Variants in GRK2 observed in about 807,000 individuals in gnomAD.
GRK2 encodes the protein adrenergic beta receptor kinase 1.
In GRK2, 23 loss-of-function variants were observed where a neutral mutation model predicts 97.8. The observed-to-expected ratio is 0.24, with a 90% CI of 0.17 to 0.33. GRK2 has a LOEUF of 0.33. Among genes scored for constraint, GRK2 ranks in the 10% least tolerant of loss-of-function variants. GRK2 has a pLI of 1.00. For synonymous variants in GRK2, 425 were observed against 381.7 expected, an observed-to-expected ratio of 1.11 and a Z score of -1.32; for missense variants, 633 against 956.9, an observed-to-expected ratio of 0.66 and a Z score of 4.47.
intron 1 of GRK2, among the ~76,000 whole-genome samples, chr11:67,272,086 G>A (rs1359786530): frequency 2.0e-5 from 3 of 152,208 alleles, no homozygotes; most frequent in Non-Finnish European, 2.9e-5. Flanking sequence ...CACATGAGGG[G>A]CACAGGAAGC....
intron 1 of GRK2, among the ~76,000 whole-genome samples, chr11:67,273,222 C>T (rs7127431): frequency 0.029 from 4,487 of 152,346 alleles, 95 homozygotes; most frequent in African/African-American, 0.062. Context: ...ACCCGTCCAA[C>T]GGCCAGAGCA....
Position 67,279,528 on chromosome 11 carries a change from C to T in GRK2, c.366+9C>T, listed in dbSNP as rs1860105474. 6.2e-7 allele frequency: 1 copy of T among 1,612,970 alleles called. No homozygotes were observed. Among genetic ancestry groups the T allele is most frequent in the African/African-American group, 1.3e-5 (1 of 75,048 alleles). On this transcript the variant is annotated intron_variant, in intron 4 of 20. Transcript: ENST00000308595. Reference sequence around the variant, plus strand: ...TGCTGGCCTGCTCGCATGTGAGTGTCCTCAGCTGGCCCTGTGTGCTGGCCC... The same window carrying T: ...TGCTGGCCTGCTCGCATGTGAGTGTTCTCAGCTGGCCCTGTGTGCTGGCCC...
In GRK2 at chr11:67,286,121, C is replaced by T. The variant is rs909789715; in HGVS notation, c.*671C>T. ...CCCTCTTGCCCCAACCCCCAGCACCCGGGCTCAGGGACCACAGCAAGGCAC... is the reference window on the plus strand; with the variant it reads ...CCCTCTTGCCCCAACCCCCAGCACCTGGGCTCAGGGACCACAGCAAGGCAC... On this transcript the variant is annotated 3_prime_UTR_variant, in exon 21 of 21. Coordinates refer to ENST00000308595, the MANE Select transcript of GRK2 (RefSeq NM_001619.5). 24 of 441,346 alleles carry T rather than the reference C, an allele frequency of 5.4e-5. No homozygotes were observed. Among genetic ancestry groups the T allele is most frequent in the African/African-American group, 3.6e-4 (17 of 47,710 alleles). 27.3% of individuals were successfully genotyped at this position (441,346 alleles called of 1,614,324 possible). A position where few individuals can be genotyped will look rare whatever the true frequency, so the allele number is the denominator to read the frequency against.
intron 18 of GRK2, chr11:67,284,617 T>G: frequency 2.8e-6 from 2 of 719,228 alleles, no homozygotes; most frequent in Non-Finnish European, 4.4e-6. Flanking sequence ...AAACCCTGTC[T>G]CTACCAAAAA....
In GRK2 at chr11:67,281,646, C is replaced by A; in HGVS notation, c.748-4C>A. On this transcript the variant is annotated splice_polypyrimidine_tract_variant and splice_region_variant and intron_variant, in intron 9 of 20. Transcript: ENST00000308595. This position sits in a 1 kb window ranked among gnomAD's most constrained non-coding sequence, Gnocchi z 5.7. ...CCGCCCCCTCCCCTCCTCTCCCCTCCTAGGACTGCCCATTCATTGTCTGCA... is the reference window on the plus strand; with the variant it reads ...CCGCCCCCTCCCCTCCTCTCCCCTCATAGGACTGCCCATTCATTGTCTGCA... The A allele has an allele frequency of 6.2e-7, 1 of 1,611,950 alleles. No homozygotes were observed. The highest frequency in any genetic ancestry group is 1.7e-5 in the Admixed American group (1 of 59,968).
At chr11:67,267,916 G>T (rs775576614) in intron 1 of GRK2, among the ~76,000 whole-genome samples, 1 of 152,246 alleles carries the variant, frequency 6.6e-6, no homozygotes, top group Non-Finnish European at 1.5e-5. Flanking sequence ...CAGGGCTTCA[G>T]ACTTCTGGTT....
intron 2 of GRK2, among the ~76,000 whole-genome samples, chr11:67,278,811 G>A (rs976090175): frequency 3.3e-5 from 5 of 151,924 alleles, no homozygotes; most frequent in Non-Finnish European, 7.4e-5. Flanking sequence ...TGCACAGCCC[G>A]CCCCGGTGGG....
rs755938304 is a variant in GRK2, at chr11:67,281,602, G to A, written c.747+44G>A. On this transcript the variant is annotated intron_variant, in intron 9 of 20. Coordinates refer to ENST00000308595, the MANE Select transcript of GRK2 (RefSeq NM_001619.5). The surrounding 1 kb of genome is among the most constrained non-coding windows in gnomAD (Gnocchi z 5.7). ...GCTGCCGCTGAGGCTCTGGAACCCC[G>A]GGCGCCCCTGCTAACTGCCCGCCCC... The A allele has an allele frequency of 2.7e-5, 43 of 1,610,632 alleles. No homozygotes were observed. Among genetic ancestry groups the A allele is most frequent in the South Asian group, 1.2e-4 (11 of 91,024 alleles).
Position 67,286,344 on chromosome 11 carries a change from C to T in GRK2, c.*894C>T, listed in dbSNP as rs922442908. 1.7e-5 allele frequency: 12 copies of T among 694,988 alleles called. No individual in the cohort carries two copies. Among genetic ancestry groups the T allele is most frequent in the East Asian group, 5.4e-5 (2 of 37,136 alleles). The allele number at this position is 694,988 out of a possible 1,614,324, so 43.1% of individuals were successfully genotyped here. Reference sequence around the variant, plus strand: ...CCAGGCTGGCCAGCCCCACAGCCCACGTCCTGTCAGTGCCGCCGCCTCGCC... The same window carrying T: ...CCAGGCTGGCCAGCCCCACAGCCCATGTCCTGTCAGTGCCGCCGCCTCGCC... On this transcript the variant is annotated 3_prime_UTR_variant, in exon 21 of 21. Transcript: ENST00000308595.
At chr11:67,271,719 CG>C (rs1465418104) in intron 1 of GRK2, among the ~76,000 whole-genome samples, 1 of 152,220 alleles carries the variant, frequency 6.6e-6, no homozygotes, top group Non-Finnish European at 1.5e-5. Flanking sequence ...GCTGTGTGTG[CG>C]GGGCCAGCTG....
intron 15 of GRK2, 36 bp from the exon 16 acceptor site, chr11:67,283,671 T>C (rs373842871): frequency 3.7e-5 from 59 of 1,606,674 alleles, no homozygotes; most frequent in Middle Eastern, 3.9e-4. Flanking sequence ...GGACTCAGGG[T>C]GGGGCTGAGC....
At chr11:67,274,531 T>TTTTTTTTCTTTTTTG (rs1859986434) in intron 1 of GRK2, among the ~76,000 whole-genome samples, 1 of 137,706 alleles carries the variant, frequency 7.3e-6, no homozygotes, top group African/African-American at 2.7e-5. Flanking sequence ...TTGCTTTTTT[T>TTTTTTTTCTTTTTTG]CATCCCCTTC....
rs924110643 is a variant in GRK2 at position 67,286,489 on chromosome 11, C to T, written c.*1039C>T. On this transcript the variant is annotated 3_prime_UTR_variant, in exon 21 of 21. Transcript: ENST00000308595. The stretch of plus-strand genomic sequence containing the variant: ...CTCATTCCCCGGGGCGTTTCTTTGC[C>T]GATTTTTGAATGTGATTTTAAAGAG... 2.0e-5 allele frequency: 14 copies of T among 700,522 alleles called. No homozygotes were observed. The East Asian group carries it at 2.4e-4, about 12-fold the overall frequency. 43.4% of individuals were successfully genotyped at this position (700,522 alleles called of 1,614,324 possible).
chr11:67,284,496 A>C, intron 18 of GRK2, 123 bp downstream of exon 18: 1 of 1,211,252 alleles, frequency 8.3e-7, no homozygotes, highest in Non-Finnish European at 1.1e-6. Flanking sequence ...ATTCAAACTC[A>C]GGCTGGGGCC....
Position 67,281,463 on chromosome 11 carries a change from G to A in GRK2, c.652G>A (p.Ala218Thr), listed in dbSNP as rs755089226. The change falls in exon 9 of 21, where the codon GCC (alanine) becomes ACC (threonine). Residue 218 changes from alanine to threonine, a missense_variant. Physicochemically the swap from Ala to Thr is moderately conservative, Grantham distance 58. Around this residue, in one of 4 missense-constraint regions of GRK2, gnomAD observed 192 missense variants for 362.3 expected, o/e 0.53. Coordinates refer to ENST00000308595, the MANE Select transcript of GRK2 (RefSeq NM_001619.5). This position sits in a 1 kb window ranked among gnomAD's most constrained non-coding sequence, Gnocchi z 5.7. ...CTGCCGACCTCTGCCCCGTAGGTAC[G>A]CCATGAAGTGCCTGGACAAAAAGCG... is the stretch of plus-strand genomic sequence containing the variant. ...CRKADTGKMY[A>T]MKCLDKKRIK... 4 of 1,613,326 alleles carry A rather than the reference G, an allele frequency of 2.5e-6. No individual in the cohort carries two copies. Among genetic ancestry groups the A allele is most frequent in the African/African-American group, 1.3e-5 (1 of 75,018 alleles).
At chr11:67,275,380 T>C (rs1209882202) in intron 1 of GRK2, among the ~76,000 whole-genome samples, 7 of 152,356 alleles carry the variant, frequency 4.6e-5, no homozygotes, top group African/African-American at 1.7e-4. Flanking sequence ...GCTGCCATTC[T>C]TCCAGACCCT....
chr11:67,270,927 C>G (rs141501111), intron 1 of GRK2: 1 of 152,312 alleles, frequency 6.6e-6, no homozygotes, highest in East Asian at 1.9e-4. Context: ...ACAATCAATT[C>G]CTAGTAGTAA....
intron 1 of GRK2, among the ~76,000 whole-genome samples, chr11:67,274,512 T>G (rs1298423626): frequency 1.7e-5 from 2 of 116,058 alleles, no homozygotes; most frequent in African/African-American, 3.0e-5. Context: ...TTTTTTTTTT[T>G]TTTTTTTTTT....
Position 67,280,570 on chromosome 11 carries a change from GC to G in GRK2, c.504-159del, listed in dbSNP as rs748945383. ...CCTGACTGGTGCTGTGGGCGGGCAG[GC>G]CCTCAACATATCCTTCCTGGAAGAG... On this transcript the variant is annotated intron_variant, in intron 6 of 20. Coordinates refer to ENST00000308595, the MANE Select transcript of GRK2 (RefSeq NM_001619.5). The G allele has an allele frequency of 6.2e-5, 51 of 819,896 alleles. No individual in the cohort carries two copies. In the East Asian group the frequency reaches 1.3e-3, roughly 21 times the overall value. The allele number at this position is 819,896 out of a possible 1,614,324, so 50.8% of individuals were successfully genotyped here.
Sources: allele counts gnomAD v4.1 joint callset (sites outside exome capture counted in the v4.1 genomes callset), GRCh38; gene constraint gnomAD v4.1.1; regional missense constraint gnomAD v4.1.1; non-coding constraint Gnocchi (gnomAD v3.1); transcripts MANE v1.5; gene names NCBI Gene and HGNC (gene_info 2026-07-23, HGNC 2026-07-21).